The following TMEM132D variants were observed in gnomAD, a reference collection of about 807,000 sequenced individuals.
TMEM132D encodes the protein transmembrane protein 132D, also known as mature OL transmembrane protein.
TMEM132D carries 21 observed loss-of-function variants against 62.3 expected under a neutral mutation model. The ratio of observed to expected loss-of-function variants is 0.34; its 90% CI spans 0.24 to 0.49. The LOEUF (loss-of-function observed/expected upper bound fraction) is 0.49. Ranked by LOEUF, TMEM132D falls within the 20% of genes least tolerant of loss-of-function variation. TMEM132D has a pLI of 0.99. For missense variants in TMEM132D, 1,346 were observed against 1,402.8 expected (o/e 0.96, Z 0.65); for synonymous variants, 621 against 575.6 (o/e 1.08, Z -1.13).
rs918440876 is a variant in TMEM132D, at chr12:129,729,765, A to G, written c.80-29067T>C. 2.0e-5 allele frequency among the ~76,000 whole-genome samples: 3 copies of G among 152,332 alleles called. No homozygotes were observed. The East Asian group carries it at 5.8e-4, about 29-fold the overall frequency. On this transcript the variant is annotated intron_variant, in intron 1 of 8. Transcript: ENST00000422113. ...TTAGGGTGTACACTGAATGTTGTAT[A>G]TGATCAAAATTGCCATTCAAATTAT...
At chr12:129,285,184 A>T (rs948321146) in intron 4 of TMEM132D, among the ~76,000 whole-genome samples, 1 of 152,070 alleles carries the variant, frequency 6.6e-6, no homozygotes, top group African/African-American at 2.4e-5. Context: ...GCAATCCAAG[A>T]TTGAGACCAT....
At chr12:129,421,957 C>T (rs1235184025) in intron 3 of TMEM132D, among the ~76,000 whole-genome samples, 1 of 152,142 alleles carries the variant, frequency 6.6e-6, no homozygotes. Flanking sequence ...AGGTACAGAA[C>T]AATGCCATCG....
intron 1 of TMEM132D, among the ~76,000 whole-genome samples, chr12:129,807,209 A>C (rs1872020082): frequency 6.6e-6 from 1 of 152,144 alleles, no homozygotes; most frequent in Non-Finnish European, 1.5e-5. Flanking sequence ...AGGACCCTGG[A>C]GCAGCTACCC....
intron 5 of TMEM132D, among the ~76,000 whole-genome samples, chr12:129,092,794 A>T (rs1874972926): frequency 6.6e-6 from 1 of 152,178 alleles, no homozygotes; most frequent in Non-Finnish European, 1.5e-5. Context: ...AATGTCAATA[A>T]CTTCTTCCAC....
intron 1 of TMEM132D, among the ~76,000 whole-genome samples, chr12:129,760,033 A>C (rs1370108499): frequency 6.6e-6 from 1 of 151,662 alleles, no homozygotes; most frequent in Non-Finnish European, 1.5e-5. Context: ...GCCTCCTAAG[A>C]AGTTGGGGCG....
At chr12:129,196,093 C>T (rs531985974) in intron 5 of TMEM132D, among the ~76,000 whole-genome samples, 5 of 152,072 alleles carry the variant, frequency 3.3e-5, no homozygotes, top group Non-Finnish European at 7.4e-5. Flanking sequence ...CGCCACTGCA[C>T]TCCAACCTGG....
At chr12:129,165,542 A>G (rs1877518272) in intron 5 of TMEM132D, among the ~76,000 whole-genome samples, 1 of 152,210 alleles carries the variant, frequency 6.6e-6, no homozygotes, top group Admixed American at 6.5e-5. Context: ...GTTCATTGCA[A>G]AATAAAACAA....
At chr12:129,183,556 G>T (rs1334276293) in intron 5 of TMEM132D, among the ~76,000 whole-genome samples, 1 of 152,236 alleles carries the variant, frequency 6.6e-6, no homozygotes, top group Non-Finnish European at 1.5e-5. Flanking sequence ...GCCTGAGGTT[G>T]ATGCCAACGG....
In TMEM132D at chr12:129,575,754, ATTTTTTTTTTTTTTTTTTTT is replaced by A. The variant is rs71082736; in HGVS notation, c.969-44569_969-44550del. Among the ~76,000 whole-genome samples, 4 of 13,974 alleles carry A rather than the reference ATTTTTTTTTTTTTTTTTTTT, an allele frequency of 2.9e-4. 2 individuals carry two copies. Among genetic ancestry groups the A allele is most frequent in the Non-Finnish European group, 4.7e-4 (4 of 8,502 alleles). 9.2% of individuals were successfully genotyped at this position (13,974 alleles called of 152,430 possible). ...TTCAATTATGTCTGCAGATAGATACATTTTTTTTTTTTTTTTTTTTTTTTTTTTTTTTTTTTGAGACGGAG... is the reference window on the plus strand; with the variant it reads ...TTCAATTATGTCTGCAGATAGATACATTTTTTTTTTTTTTTTGAGACGGAG... On this transcript the variant is annotated intron_variant, in intron 2 of 8. Transcript: ENST00000422113.
intron 2 of TMEM132D, among the ~76,000 whole-genome samples, chr12:129,533,034 G>A (rs1876273855): frequency 6.6e-6 from 1 of 152,050 alleles, no homozygotes; most frequent in Non-Finnish European, 1.5e-5. Flanking sequence ...GCTGGACCTG[G>A]GGGTGGTCTT....
At chr12:129,847,579 C>T (rs1213812055) in intron 1 of TMEM132D, among the ~76,000 whole-genome samples, 1 of 152,076 alleles carries the variant, frequency 6.6e-6, no homozygotes, top group Non-Finnish European at 1.5e-5. Context: ...AAGGCATTTC[C>T]GAATATTAGG....
chr12:129,391,430 GT>G (rs1402067885), intron 3 of TMEM132D, among the ~76,000 whole-genome samples: 1 of 152,136 alleles, frequency 6.6e-6, no homozygotes, highest in East Asian at 1.9e-4. Context: ...GGGACTGAGA[GT>G]TTTTAGAAAG....
intron 1 of TMEM132D, among the ~76,000 whole-genome samples, chr12:129,801,164 G>A (rs1871766006): frequency 6.6e-6 from 1 of 152,248 alleles, no homozygotes; most frequent in South Asian, 2.1e-4. Flanking sequence ...GCCCAGGCTT[G>A]CTCAGGTAAA....
At chr12:129,765,671 C>A (rs187415448) in intron 1 of TMEM132D, among the ~76,000 whole-genome samples, 1 of 152,124 alleles carries the variant, frequency 6.6e-6, no homozygotes, top group East Asian at 1.9e-4. Flanking sequence ...TTGTGGATAC[C>A]CTTGTGTGCT....
rs1162760490 is a variant in TMEM132D, at chr12:129,903,611, T to G, written c.-272A>C. 6 of 493,000 alleles carry G rather than the reference T, an allele frequency of 1.2e-5. No individual in the cohort carries two copies. The highest frequency in any genetic ancestry group is 2.2e-5 in the Non-Finnish European group (6 of 277,502). 30.5% of individuals were successfully genotyped at this position (493,000 alleles called of 1,614,324 possible). On this transcript the variant is annotated 5_prime_UTR_variant, in exon 1 of 9. Coordinates refer to ENST00000422113, the MANE Select transcript of TMEM132D (RefSeq NM_133448.3). The surrounding 1 kb of genome is among the most constrained non-coding windows in gnomAD (Gnocchi z 6.2). ...TCCTTCGACCCCAACAGAATTTTTT[T>G]TAAATTTTAATCCACAGGGGGTATT...
chr12:129,384,984 C>G (rs139294790), intron 3 of TMEM132D, among the ~76,000 whole-genome samples: 1 of 151,560 alleles, frequency 6.6e-6, no homozygotes, highest in Non-Finnish European at 1.5e-5. Flanking sequence ...CAGTCTGAAA[C>G]AGTCCCATTC....
At chr12:129,900,392 C>T (rs757716685) in intron 1 of TMEM132D, among the ~76,000 whole-genome samples, 15 of 152,224 alleles carry the variant, frequency 9.9e-5, no homozygotes, top group Non-Finnish European at 1.8e-4. Flanking sequence ...AAGAAGCCCA[C>T]TGCCCAGGCC....
intron 2 of TMEM132D, among the ~76,000 whole-genome samples, chr12:129,592,306 C>T (rs1015062440): frequency 2.0e-5 from 3 of 152,256 alleles, no homozygotes; most frequent in Admixed American, 1.3e-4. Flanking sequence ...TCTAGATGGA[C>T]CGAGATGTAG....
At chr12:129,268,598 T>G (rs1275564892) in intron 4 of TMEM132D, among the ~76,000 whole-genome samples, 1 of 152,168 alleles carries the variant, frequency 6.6e-6, no homozygotes, top group African/African-American at 2.4e-5. Flanking sequence ...GAGTGTAAAC[T>G]AGTTCAACCA....
Sources: allele counts gnomAD v4.1 joint callset (sites outside exome capture counted in the v4.1 genomes callset), GRCh38; gene constraint gnomAD v4.1.1; non-coding constraint Gnocchi (gnomAD v3.1); transcripts MANE v1.5; gene names NCBI Gene and HGNC (gene_info 2026-07-23, HGNC 2026-07-21).